Variants in GRIK3 observed in about 807,000 individuals in gnomAD.
GRIK3 encodes glutamate receptor ionotropic, kainate 3.
Under a neutral mutation model 102.5 loss-of-function variants are expected in GRIK3, and 29 were observed. The ratio of observed to expected loss-of-function variants is 0.28; its 90% CI spans 0.21 to 0.39. The LOEUF (loss-of-function observed/expected upper bound fraction) is 0.39. Ranked by LOEUF, GRIK3 falls within the 10% of genes least tolerant of loss-of-function variation. The pLI is 1.00. For synonymous variants in GRIK3, 511 were observed against 504.9 expected, an observed-to-expected ratio of 1.01 and a Z score of -0.16; for missense variants, 908 against 1,252.4, an observed-to-expected ratio of 0.73 and a Z score of 4.15.
chr1:36,849,374 T>G (rs1640555201), intron 9 of GRIK3, among the ~76,000 whole-genome samples: 1 of 152,196 alleles, frequency 6.6e-6, no homozygotes, highest in African/African-American at 2.4e-5. Flanking sequence ...CCTCACTATA[T>G]CCAAAACGGG....
intron 13 of GRIK3, among the ~76,000 whole-genome samples, chr1:36,809,747 G>A (rs1277182712): frequency 6.6e-6 from 1 of 152,216 alleles, no homozygotes; most frequent in Non-Finnish European, 1.5e-5. Flanking sequence ...GGAGTGTTGA[G>A]GCAGATGGGC....
In GRIK3 at chr1:36,880,925, C is replaced by T. The variant is rs1259449708; in HGVS notation, c.293-34G>A. On this transcript the variant is annotated intron_variant, in intron 2 of 15. Transcript: ENST00000373091. The surrounding 1 kb of genome is among the most constrained non-coding windows in gnomAD (Gnocchi z 5.4). ...GAGGGTAGGGCAGCACAGGGGTCAG[C>T]ACTGGGGCTGTGGGTATGGGGACAG... The T allele has an allele frequency of 6.4e-7, 1 of 1,566,100 alleles. No homozygotes were observed. Among genetic ancestry groups the T allele is most frequent in the Non-Finnish European group, 8.7e-7 (1 of 1,154,202 alleles).
intron 12 of GRIK3, among the ~76,000 whole-genome samples, chr1:36,818,618 C>G (rs1010131503): frequency 1.3e-5 from 2 of 152,244 alleles, no homozygotes; most frequent in Non-Finnish European, 2.9e-5. Flanking sequence ...GCATGTGGGA[C>G]AGATTTGCTT....
At chr1:36,954,273 C>T (rs545117270) in intron 1 of GRIK3, among the ~76,000 whole-genome samples, 25 of 152,338 alleles carry the variant, frequency 1.6e-4, no homozygotes, top group Admixed American at 3.9e-4. Flanking sequence ...CTGCACTAGC[C>T]TAAGACGTCT....
intron 1 of GRIK3, among the ~76,000 whole-genome samples, chr1:36,914,121 C>G (rs1242812116): frequency 6.6e-6 from 1 of 152,226 alleles, no homozygotes; most frequent in Non-Finnish European, 1.5e-5. Context: ...GCTTTCTCAT[C>G]TAGCAACAGT....
chr1:36,918,050 T>C (rs1177759852), intron 1 of GRIK3, among the ~76,000 whole-genome samples: 1 of 152,206 alleles, frequency 6.6e-6, no homozygotes, highest in Non-Finnish European at 1.5e-5. Flanking sequence ...GAGAAGTAGC[T>C]TGAATTTTAA....
At chr1:36,807,137 C>T (rs1208026965) in intron 13 of GRIK3, among the ~76,000 whole-genome samples, 2 of 152,078 alleles carry the variant, frequency 1.3e-5, no homozygotes, top group African/African-American at 2.4e-5. Context: ...GCTGTAGGGT[C>T]CTGGGCTGGA....
chr1:36,851,208 C>T (rs1640581007), intron 8 of GRIK3, among the ~76,000 whole-genome samples: 1 of 152,218 alleles, frequency 6.6e-6, no homozygotes, highest in African/African-American at 2.4e-5. Flanking sequence ...GCAAACATCC[C>T]ATTAAGAGAG....
In GRIK3 at chr1:36,916,507, G is replaced by A. The variant is rs183914946; in HGVS notation, c.116-25411C>T. On this transcript the variant is annotated intron_variant, in intron 1 of 15. Coordinates refer to ENST00000373091, the MANE Select transcript of GRIK3 (RefSeq NM_000831.4). ...TGGCAGCCCCTCACATCACAGGCAT[G>A]GAGACCTAGGAGAAAAATGGTTTTG... Among the ~76,000 whole-genome samples, 80 of 152,296 alleles carry A rather than the reference G, an allele frequency of 5.3e-4. No homozygotes were observed. In the East Asian group the frequency reaches 0.015, roughly 29 times the overall value.
chr1:36,975,556 GT>G (rs540905822), intron 1 of GRIK3, among the ~76,000 whole-genome samples: 3 of 152,198 alleles, frequency 2.0e-5, no homozygotes, highest in Non-Finnish European at 4.4e-5. Flanking sequence ...GCCTCCCAAA[GT>G]GCCGGGATTA....
chr1:37,017,487 C>A (rs1370078985), intron 1 of GRIK3, among the ~76,000 whole-genome samples: 1 of 151,768 alleles, frequency 6.6e-6, no homozygotes, highest in Admixed American at 6.6e-5. Flanking sequence ...ACAACCACTA[C>A]CAGGCTTGAC....
chr1:36,926,172 G>A (rs1641524697), intron 1 of GRIK3, among the ~76,000 whole-genome samples: 1 of 152,142 alleles, frequency 6.6e-6, no homozygotes, highest in African/African-American at 2.4e-5. Flanking sequence ...GGAAGGCTCG[G>A]CCCTACCCTT....
In GRIK3 at chr1:36,798,159, C is replaced by A. The variant is rs1642390212; in HGVS notation, c.*3692G>T. On this transcript the variant is annotated 3_prime_UTR_variant, in exon 16 of 16. Coordinates refer to ENST00000373091, the MANE Select transcript of GRIK3 (RefSeq NM_000831.4). ...TTTTCTTCTGTCCAGAGCAGAGAAA[C>A]CAGCAGCAGGACAAGGGGAGAGTGA... 6.6e-6 allele frequency: 1 copy of A among 152,340 alleles called. No homozygotes were observed. Among genetic ancestry groups the A allele is most frequent in the South Asian group, 2.1e-4 (1 of 4,834 alleles). 9.4% of individuals were successfully genotyped at this position (152,340 alleles called of 1,614,324 possible).
intron 1 of GRIK3, among the ~76,000 whole-genome samples, chr1:36,995,838 A>C (rs141960054): frequency 2.6e-5 from 4 of 152,232 alleles, no homozygotes; most frequent in African/African-American, 9.6e-5. Context: ...CAGACCTCAC[A>C]AACAGAGCTG....
chr1:36,953,210 T>C (rs1641865783), intron 1 of GRIK3, among the ~76,000 whole-genome samples: 2 of 152,174 alleles, frequency 1.3e-5, no homozygotes, highest in Admixed American at 6.5e-5. Context: ...CCCTGCCTCA[T>C]AGCACTTAGT....
chr1:36,997,283 C>A (rs1308684554), intron 1 of GRIK3, among the ~76,000 whole-genome samples: 1 of 152,140 alleles, frequency 6.6e-6, no homozygotes, highest in Non-Finnish European at 1.5e-5. Flanking sequence ...AGGTTTATGG[C>A]GCGTTCTGTT....
At chr1:36,885,052 T>C (rs1641022969) in intron 2 of GRIK3, among the ~76,000 whole-genome samples, 1 of 152,250 alleles carries the variant, frequency 6.6e-6, no homozygotes. Context: ...CTGAAATCGT[T>C]GTGATACTAA....
intron 1 of GRIK3, among the ~76,000 whole-genome samples, chr1:36,952,800 TG>T (rs1183607625): frequency 6.6e-6 from 1 of 152,062 alleles, no homozygotes; most frequent in Non-Finnish European, 1.5e-5. Flanking sequence ...TACTGGGTGT[TG>T]GGGGGTCTAA....
intron 13 of GRIK3, among the ~76,000 whole-genome samples, chr1:36,814,489 A>G (rs1299877332): frequency 1.4e-5 from 2 of 146,996 alleles, no homozygotes; most frequent in African/African-American, 5.1e-5. Context: ...GCATGCATGG[A>G]CCATTATACA....
Sources: allele counts gnomAD v4.1 joint callset (sites outside exome capture counted in the v4.1 genomes callset), GRCh38; gene constraint gnomAD v4.1.1; non-coding constraint Gnocchi (gnomAD v3.1); transcripts MANE v1.5; gene names NCBI Gene and HGNC (gene_info 2026-07-23, HGNC 2026-07-21).